Variants in TNFRSF25 observed in about 807,000 individuals in gnomAD.
TNFRSF25 encodes the protein TNF receptor superfamily member 25.
A neutral mutation model predicts 49.4 loss-of-function variants in TNFRSF25; 28 were observed. That is an observed-to-expected ratio of 0.57 (90% CI 0.42 to 0.78). The LOEUF is 0.78. Ranked by LOEUF, TNFRSF25 falls within the 30% of genes least tolerant of loss-of-function variation. TNFRSF25 has a pLI of 0.00. For synonymous variants in TNFRSF25, 240 were observed against 234.2 expected, an observed-to-expected ratio of 1.02 and a Z score of -0.23; for missense variants, 531 against 581.6, an observed-to-expected ratio of 0.91 and a Z score of 0.90.
Position 6,462,667 on chromosome 1 carries a change from C to T in TNFRSF25, c.707-1G>A, listed in dbSNP as rs1406121650. The T allele has an allele frequency of 6.2e-7, 1 of 1,613,708 alleles. No homozygotes were observed. Among genetic ancestry groups the T allele is most frequent in the South Asian group, 1.1e-5 (1 of 91,044 alleles). The stretch of plus-strand genomic sequence containing the variant: ...AGAGCCTCCATCCCAGCTTCATCTG[C>T]TGACAGACACAGAGAGATTGCGGTC... On this transcript the variant is annotated splice_acceptor_variant, in intron 7 of 9. Coordinates refer to ENST00000356876, the MANE Select transcript of TNFRSF25 (RefSeq NM_003790.3). LOFTEE classifies it high-confidence loss of function. This position sits in a 1 kb window ranked among gnomAD's most constrained non-coding sequence, Gnocchi z 4.2.
intron 5 of TNFRSF25, 33 bp downstream of exon 5, chr1:6,464,342 C>T: frequency 6.3e-7 from 1 of 1,584,298 alleles, no homozygotes; most frequent in Non-Finnish European, 8.6e-7. Flanking sequence ...TCCCAGCCGC[C>T]CTTCCCTCCA....
At chr1:6,465,982 GT>G (rs982891181) in intron 1 of TNFRSF25, 86 bp downstream of exon 1, 113 of 1,511,592 alleles carry the variant, frequency 7.5e-5, no homozygotes, top group Non-Finnish European at 9.5e-5. Context: ...GAGGCTTGGA[GT>G]GGAGACGCGC....
chr1:6,465,283 T>TACCCCC, intron 2 of TNFRSF25, 61 bp from the exon 3 acceptor site: 2 of 1,513,264 alleles, frequency 1.3e-6, no homozygotes, highest in Non-Finnish European at 1.8e-6. Flanking sequence ...CCGACCTGCT[T>TACCCCC]CCCACCCTGC....
At position 6,462,344 on chromosome 1, in the gene TNFRSF25, T is replaced by C; in HGVS notation, c.745-170A>G. ...TGTAGCCCAGCAGAACTCTTGCTTC[T>C]GCCTTGAGTCCCCTGCCCCCGCCTC... On this transcript the variant is annotated intron_variant, in intron 8 of 9. Transcript: ENST00000356876. This position sits in a 1 kb window ranked among gnomAD's most constrained non-coding sequence, Gnocchi z 4.2. 8.6e-7 allele frequency: 1 copy of C among 1,161,348 alleles called. No individual in the cohort carries two copies. Among genetic ancestry groups the C allele is most frequent in the East Asian group, 2.6e-5 (1 of 38,726 alleles). 71.9% of individuals were successfully genotyped at this position (1,161,348 alleles called of 1,614,324 possible). A position where few individuals can be genotyped will look rare whatever the true frequency, so the allele number is the denominator to read the frequency against.
At position 6,461,886 on chromosome 1, in the gene TNFRSF25, G is replaced by T; in HGVS notation, c.925+108C>A. 1 of 1,478,030 alleles carries T rather than the reference G, an allele frequency of 6.8e-7. No individual in the cohort carries two copies. 91.6% of individuals were successfully genotyped at this position (1,478,030 alleles called of 1,614,324 possible). A position where few individuals can be genotyped will look rare whatever the true frequency, so the allele number is the denominator to read the frequency against. ...TGGATCCGGTGGGTCAGGGCATAGG[G>T]CGGACTCCGTCAGTTAGGGGGCAGA... On this transcript the variant is annotated intron_variant, in intron 9 of 9. Transcript: ENST00000356876. This position sits in a 1 kb window ranked among gnomAD's most constrained non-coding sequence, Gnocchi z 6.3.
chr1:6,464,063 C>T (rs1644260221), intron 5 of TNFRSF25: 2 of 1,186,880 alleles, frequency 1.7e-6, no homozygotes, highest in South Asian at 2.0e-5. Context: ...CTCCTTCAGC[C>T]CAAGTTTTAA....
intron 1 of TNFRSF25, 116 bp downstream of exon 1, chr1:6,465,953 G>T: frequency 2.1e-6 from 3 of 1,462,484 alleles, no homozygotes; most frequent in Non-Finnish European, 2.7e-6. Context: ...CGGAAAGGGC[G>T]GCCAACCCAG....
rs1318649521 is a variant in TNFRSF25, at chr1:6,461,669, T to C, written c.1019A>G (p.Asp340Gly). 7 of 1,595,660 alleles carry C rather than the reference T, an allele frequency of 4.4e-6. No homozygotes were observed. Among genetic ancestry groups the C allele is most frequent in the Non-Finnish European group, 6.0e-6 (7 of 1,175,834 alleles). Residue 340 changes from aspartate (D) to glycine (G), a missense_variant, in exon 10 of 10, where the codon GAC (aspartate) becomes GGC (glycine). Transcript: ENST00000356876. The surrounding 1 kb of genome is among the most constrained non-coding windows in gnomAD (Gnocchi z 6.3). ...QPGPQLYDVM[D>G]AVPARRWKEF... ...CTTCCAGCGCCGCGCTGGGACCGCG[T>C]CCATCACGTCGTAGAGCTGCGGGCC...
chr1:6,465,699 A>G, intron 1 of TNFRSF25, 139 bp from the exon 2 acceptor site: 11 of 1,449,954 alleles, frequency 7.6e-6, no homozygotes, highest in Non-Finnish European at 1.0e-5. Context: ...AGGGGTGCCC[A>G]TGGGTGGAGA....
intron 3 of TNFRSF25, 95 bp from the exon 4 acceptor site, chr1:6,464,814 A>G: frequency 1.4e-6 from 2 of 1,456,904 alleles, no homozygotes; most frequent in Non-Finnish European, 1.9e-6. Flanking sequence ...TAATGGAGAC[A>G]GAAATAGGCG....
intron 1 of TNFRSF25, chr1:6,465,802 T>C: frequency 7.0e-7 from 1 of 1,423,962 alleles, no homozygotes. Flanking sequence ...AGAGCAGGAA[T>C]CCAGCAGCGC....
chr1:6,466,137 C>T lies in TNFRSF25; in HGVS notation c.-30G>A, dbSNP rs921704112. On this transcript the variant is annotated 5_prime_UTR_variant, in exon 1 of 10. Coordinates refer to ENST00000356876, the MANE Select transcript of TNFRSF25 (RefSeq NM_003790.3). ...CTCCGACGGGCGCCCAGGGGCTTCC[C>T]GGCTCCGTGCTCTCTGCCCGTCGTG... 9 of 1,463,688 alleles carry T rather than the reference C, an allele frequency of 6.1e-6. No homozygotes were observed. In the East Asian group the frequency reaches 1.2e-4, roughly 19 times the overall value. 90.7% of individuals were successfully genotyped at this position (1,463,688 alleles called of 1,614,324 possible).
Position 6,461,387 on chromosome 1 carries a change from C to T in TNFRSF25, c.*47G>A. 1 of 1,473,646 alleles carries T rather than the reference C, an allele frequency of 6.8e-7. No homozygotes were observed. The highest frequency in any genetic ancestry group is 9.0e-7 in the Non-Finnish European group (1 of 1,110,690). The allele number at this position is 1,473,646 out of a possible 1,614,324, so 91.3% of individuals were successfully genotyped here. A position where few individuals can be genotyped will look rare whatever the true frequency, so the allele number is the denominator to read the frequency against. Reference sequence around the variant, plus strand: ...CACGCATAAGTAACCGTACTTAGGGCTTCTGCAAGGGCCACCAGAGCGCCT... The same window carrying T: ...CACGCATAAGTAACCGTACTTAGGGTTTCTGCAAGGGCCACCAGAGCGCCT... On this transcript the variant is annotated 3_prime_UTR_variant, in exon 10 of 10. Coordinates refer to ENST00000356876, the MANE Select transcript of TNFRSF25 (RefSeq NM_003790.3). This position sits in a 1 kb window ranked among gnomAD's most constrained non-coding sequence, Gnocchi z 6.3.
Position 6,462,397 on chromosome 1 carries a change from G to T in TNFRSF25, c.745-223C>A. The T allele has an allele frequency of 1.7e-6, 2 of 1,208,262 alleles. No individual in the cohort carries two copies. The highest frequency in any genetic ancestry group is 2.2e-6 in the Non-Finnish European group (2 of 892,112). 74.8% of individuals were successfully genotyped at this position (1,208,262 alleles called of 1,614,324 possible). Reference sequence around the variant, plus strand: ...TCCTCTTGTCCCCCAGCACCATGGGGCTCTCCTTCCATTGAACTGTTAGCT... The same window carrying T: ...TCCTCTTGTCCCCCAGCACCATGGGTCTCTCCTTCCATTGAACTGTTAGCT... On this transcript the variant is annotated intron_variant, in intron 8 of 9. Transcript: ENST00000356876. The surrounding 1 kb of genome is among the most constrained non-coding windows in gnomAD (Gnocchi z 4.2).
chr1:6,465,940 G>C, intron 1 of TNFRSF25, 129 bp downstream of exon 1: 1 of 1,456,846 alleles, frequency 6.9e-7, no homozygotes, highest in East Asian at 2.7e-5. Context: ...CCTTTAACGA[G>C]ATCGGAAAGG....
At chr1:6,464,810 A>G (rs1274150096) in intron 3 of TNFRSF25, 91 bp from the exon 4 acceptor site, 1 of 1,460,776 alleles carries the variant, frequency 6.8e-7, no homozygotes, top group Non-Finnish European at 9.3e-7. Flanking sequence ...AAGATAATGG[A>G]GACAGAAATA....
chr1:6,463,179 GC>G (rs1644231423), intron 5 of TNFRSF25, 52 bp from the exon 6 acceptor site: 1 of 1,533,302 alleles, frequency 6.5e-7, no homozygotes, highest in Non-Finnish European at 8.8e-7. Flanking sequence ...GCCAGGAGGG[GC>G]TCCCTAAGAC....
intron 5 of TNFRSF25, chr1:6,464,124 T>C: frequency 7.3e-7 from 1 of 1,374,950 alleles, no homozygotes; most frequent in South Asian, 1.5e-5. Flanking sequence ...CTGTAATATC[T>C]GGCTAGGATC....
chr1:6,465,960 C>A (rs2148567908), intron 1 of TNFRSF25, 109 bp downstream of exon 1: 1 of 1,480,828 alleles, frequency 6.8e-7, no homozygotes, highest in Non-Finnish European at 9.0e-7. Context: ...GGCGGCCAAC[C>A]CAGCCCCCAG....
Sources: allele counts gnomAD v4.1 joint callset, GRCh38; gene constraint gnomAD v4.1.1; non-coding constraint Gnocchi (gnomAD v3.1); transcripts MANE v1.5; gene names NCBI Gene and HGNC (gene_info 2026-07-23, HGNC 2026-07-21).